Variants in CD180 observed in about 807,000 individuals in gnomAD.
The protein encoded by CD180 is CD180 molecule.
A neutral mutation model predicts 10.7 loss-of-function variants in CD180; 11 were observed. The ratio of observed to expected loss-of-function variants is 1.03; its 90% CI spans 0.65 to 1.70. CD180 has a LOEUF of 1.70. Among genes scored for constraint, CD180 ranks in the 40% most tolerant of loss-of-function variants. The pLI, the probability that CD180 is intolerant of heterozygous loss-of-function variation, is 0.00. For synonymous variants in CD180, 286 were observed against 294.6 expected (o/e 0.97, Z 0.30); for missense variants, 729 against 775.2 (o/e 0.94, Z 0.71).
intron 1 of CD180, among the ~76,000 whole-genome samples, chr5:67,187,636 G>A (rs1479198729): frequency 1.3e-5 from 2 of 152,206 alleles, no homozygotes; most frequent in Non-Finnish European, 2.9e-5. Flanking sequence ...TTAAGATGAA[G>A]GGTAGTGGGG....
intron 1 of CD180, among the ~76,000 whole-genome samples, chr5:67,187,053 T>C (rs972677779): frequency 5.3e-5 from 8 of 152,214 alleles, no homozygotes; most frequent in African/African-American, 1.7e-4. Context: ...TAATTTTGAA[T>C]GAGGACAGTA....
chr5:67,179,961 C>A lies in CD180; in HGVS notation c.*2896G>T, dbSNP rs1581819872. On this transcript the variant is annotated 3_prime_UTR_variant, in exon 3 of 3. Transcript: ENST00000256447. The stretch of plus-strand genomic sequence containing the variant: ...TAGGAGTAGCTTGTCAGAGCAGCAA[C>A]AACATGCAATACATAAAACCAATAA... 6.6e-6 allele frequency: 1 copy of A among 152,238 alleles called. No homozygotes were observed. Among genetic ancestry groups the A allele is most frequent in the East Asian group, 1.9e-4 (1 of 5,204 alleles). The allele number at this position is 152,238 out of a possible 1,614,324, so 9.4% of individuals were successfully genotyped here. A position where few individuals can be genotyped will look rare whatever the true frequency, so the allele number is the denominator to read the frequency against.
At chr5:67,185,275 G>A (rs5744521) in intron 2 of CD180, among the ~76,000 whole-genome samples, 10,102 of 131,966 alleles carry the variant, frequency 0.077, 927 homozygotes, top group African/African-American at 0.24. Context: ...TACACGCAGA[G>A]CCTGTCCCCT....
intron 1 of CD180, 63 bp downstream of exon 1, chr5:67,196,489 C>A (rs950420677): frequency 1.3e-6 from 2 of 1,515,852 alleles, no homozygotes; most frequent in African/African-American, 1.4e-5. Context: ...GATTGGACTG[C>A]GTGCTAAATC....
intron 2 of CD180, 30 bp downstream of exon 2, chr5:67,185,819 TAA>T (rs1742181308): frequency 1.3e-6 from 2 of 1,505,676 alleles, no homozygotes; most frequent in Non-Finnish European, 1.8e-6. Flanking sequence ...TTAAATAAAA[TAA>T]AAGAGCACAC....
chr5:67,181,009 T>TTA lies in CD180; in HGVS notation c.*1846_*1847dup, dbSNP rs755916245. The TTA allele has an allele frequency of 1.6e-3, 226 of 142,210 alleles. No homozygotes were observed. Among genetic ancestry groups the TTA allele is most frequent in the South Asian group, 5.2e-3 (24 of 4,580 alleles). The allele number at this position is 142,210 out of a possible 1,614,324, so 8.8% of individuals were successfully genotyped here. On this transcript the variant is annotated 3_prime_UTR_variant, in exon 3 of 3. Coordinates refer to ENST00000256447, the MANE Select transcript of CD180 (RefSeq NM_005582.3). ...GCAAGAATCAGTCTCAAAAAAAAAA[T>TTA]TATATATATATATACACACACACAT...
chr5:67,196,141 G>A (rs5744466), intron 1 of CD180, among the ~76,000 whole-genome samples: 1 of 151,988 alleles, frequency 6.6e-6, no homozygotes, highest in African/African-American at 2.4e-5. Flanking sequence ...CTGGCACAGC[G>A]CTGTCTTTAC....
At chr5:67,196,444 T>C (rs558725603) in intron 1 of CD180, 108 bp downstream of exon 1, 1 of 1,030,586 alleles carries the variant, frequency 9.7e-7, no homozygotes, top group Non-Finnish European at 1.4e-6. Flanking sequence ...TTATTTCCTT[T>C]TTAAAGACAC....
Position 67,195,118 on chromosome 5 carries a change from C to T in CD180, c.90+1434G>A, listed in dbSNP as rs117484382. On this transcript the variant is annotated intron_variant, in intron 1 of 2. Transcript: ENST00000256447. ...CTGCCAACACCTTGATCTTAAAATT[C>T]CAGCCTCCAGAACTGTGAGACAATC... Among the ~76,000 whole-genome samples the T allele has an allele frequency of 4.6e-4, 70 of 152,300 alleles. No individual in the cohort carries two copies. In the East Asian group the frequency reaches 0.012, roughly 25 times the overall value.
Position 67,183,011 on chromosome 5 carries a change from GGC to G in CD180, c.1830_1831del (p.Pro611IlefsTer6), listed in dbSNP as rs539383079. ...AGATAGCTTAACTCCCCTTAGAGAT[GGC>G]GGGTTTGCACACGTGGTCTCCTCCG... is the stretch of plus-strand genomic sequence containing the variant. On this transcript the variant is annotated frameshift_variant, in exon 3 of 3. Coordinates refer to ENST00000256447, the MANE Select transcript of CD180 (RefSeq NM_005582.3). LOFTEE classifies it low-confidence loss of function (END_TRUNC). The G allele has an allele frequency of 2.0e-5, 32 of 1,614,186 alleles. 2 individuals are homozygous for G. The South Asian group carries it at 3.1e-4, about 16-fold the overall frequency.
At position 67,183,144 on chromosome 5, in the gene CD180, A is replaced by G; in HGVS notation, c.1699T>C (p.Ser567Pro). The change falls in exon 3 of 3, where the codon TCC becomes CCC. Residue 567 changes from serine to proline, a missense_variant. Physicochemically the swap from Ser to Pro is moderately conservative, Grantham distance 74. Coordinates refer to ENST00000256447, the MANE Select transcript of CD180 (RefSeq NM_005582.3). ...IISPRLLPIL[S>P]QQSTINLSHN... is the part of the protein sequence containing the mutation. ...CTTAAATTAATGGTGCTCTGCTGGG[A>G]CAAGATAGGGAGGAGACGGGGTGAG... 2 of 1,610,914 alleles carry G rather than the reference A, an allele frequency of 1.2e-6. No individual in the cohort carries two copies. Among genetic ancestry groups the G allele is most frequent in the Non-Finnish European group, 8.5e-7 (1 of 1,177,754 alleles).
At chr5:67,186,209 A>C in intron 1 of CD180, 192 bp from the exon 2 acceptor site, 2 of 398,588 alleles carry the variant, frequency 5.0e-6, no homozygotes, top group Non-Finnish European at 4.4e-6. Context: ...AGCAAAATTG[A>C]CAATAACCAG....
chr5:67,192,880 C>T (rs1742335618), intron 1 of CD180, among the ~76,000 whole-genome samples: 1 of 152,152 alleles, frequency 6.6e-6, no homozygotes, highest in Admixed American at 6.5e-5. Context: ...TCTGAAAACC[C>T]CCATCTCTGT....
intron 1 of CD180, among the ~76,000 whole-genome samples, chr5:67,192,245 C>T (rs1366973563): frequency 1.3e-5 from 2 of 151,878 alleles, no homozygotes; most frequent in Non-Finnish European, 2.9e-5. Flanking sequence ...AAAAAAATTG[C>T]CAGGTGTGGT....
intron 1 of CD180, among the ~76,000 whole-genome samples, chr5:67,187,251 C>T (rs1261379601): frequency 1.3e-5 from 2 of 152,126 alleles, no homozygotes; most frequent in Non-Finnish European, 2.9e-5. Context: ...AGTGAGTAGG[C>T]AAAATGCTTA....
intron 1 of CD180, among the ~76,000 whole-genome samples, chr5:67,191,318 T>G (rs558896293): frequency 6.0e-4 from 91 of 152,332 alleles, no homozygotes; most frequent in South Asian, 1.9e-3. Context: ...CTTGCAAGTT[T>G]ACTGTGAGGA....
At position 67,184,599 on chromosome 5, in the gene CD180, T is replaced by C. The variant is rs1474413828; in HGVS notation, c.258-14A>G. The C allele has an allele frequency of 4.1e-5, 65 of 1,569,076 alleles. No homozygotes were observed. Among genetic ancestry groups the C allele is most frequent in the Non-Finnish European group, 5.4e-5 (62 of 1,152,368 alleles). ...TTAATCTGGCACCTTGAAAAGATAATCGTATTTAACAATAATTCATTTGAA... is the reference window on the plus strand; with the variant it reads ...TTAATCTGGCACCTTGAAAAGATAACCGTATTTAACAATAATTCATTTGAA... On this transcript the variant is annotated splice_polypyrimidine_tract_variant and intron_variant, in intron 2 of 2. Transcript: ENST00000256447.
intron 1 of CD180, among the ~76,000 whole-genome samples, chr5:67,187,904 A>G (rs917705480): frequency 1.3e-5 from 2 of 151,950 alleles, no homozygotes; most frequent in Non-Finnish European, 2.9e-5. Context: ...GCGGGACTGG[A>G]CTCCTGATAA....
chr5:67,182,105 T>C lies in CD180; in HGVS notation c.*752A>G, dbSNP rs935307743. ...GTAACATAAGAGCCAGAACACCAGA[T>C]AGGCAGAGAGAGCCTGCCTGGTTTC... On this transcript the variant is annotated 3_prime_UTR_variant, in exon 3 of 3. Coordinates refer to ENST00000256447, the MANE Select transcript of CD180 (RefSeq NM_005582.3). 6.6e-6 allele frequency: 1 copy of C among 151,692 alleles called. No homozygotes were observed. Among genetic ancestry groups the C allele is most frequent in the Non-Finnish European group, 1.5e-5 (1 of 68,028 alleles). 9.4% of individuals were successfully genotyped at this position (151,692 alleles called of 1,614,324 possible). A position where few individuals can be genotyped will look rare whatever the true frequency, so the allele number is the denominator to read the frequency against.
Sources: gnomAD v4.1 joint callset for allele counts (sites outside exome capture counted in the v4.1 genomes callset) on GRCh38, gnomAD v4.1.1 for gene constraint, MANE v1.5 for transcripts, NCBI Gene and HGNC (gene_info 2026-07-23, HGNC 2026-07-21) for gene names.